The following GPBP1 variants were observed in gnomAD, a reference collection of about 807,000 sequenced individuals.
GPBP1 encodes the protein vasculin.
In GPBP1, 13 loss-of-function variants were observed where a neutral mutation model predicts 56.5. The observed-to-expected ratio is 0.23, with a 90% CI of 0.15 to 0.37. The LOEUF (loss-of-function observed/expected upper bound fraction) is 0.37. Ranked by LOEUF, GPBP1 falls within the 10% of genes least tolerant of loss-of-function variation. The pLI is 1.00. For missense variants in GPBP1, 477 were observed against 572.3 expected (o/e 0.83, Z 1.70); for synonymous variants, 204 against 188.9 (o/e 1.08, Z -0.66).
At position 57,221,071 on chromosome 5, in the gene GPBP1, G is replaced by GGT. The variant is rs1356230077; in HGVS notation, c.63+6879_63+6880dup. Among the ~76,000 whole-genome samples, 5 of 152,066 alleles carry GGT rather than the reference G, an allele frequency of 3.3e-5. No individual in the cohort carries two copies. In the East Asian group the frequency reaches 9.6e-4, roughly 29 times the overall value. On this transcript the variant is annotated intron_variant, in intron 3 of 11. Transcript: ENST00000506184. The stretch of plus-strand genomic sequence containing the variant: ...AGATGACATGAAGATTTGAATTAAG[G>GGT]GTAAAAATGTTTTCAGAACTGTATG...
chr5:57,199,965 C>T (rs186478734), intron 2 of GPBP1, among the ~76,000 whole-genome samples: 4 of 150,208 alleles, frequency 2.7e-5, no homozygotes, highest in African/African-American at 4.9e-5. Context: ...ATCTACCTGC[C>T]GCAAAGTGCT....
intron 3 of GPBP1, among the ~76,000 whole-genome samples, chr5:57,226,956 A>T (rs1045511007): frequency 1.3e-5 from 2 of 151,544 alleles, no homozygotes; most frequent in Non-Finnish European, 2.9e-5. Flanking sequence ...AGCCAGGATG[A>T]TCTCGATCTC....
intron 3 of GPBP1, among the ~76,000 whole-genome samples, chr5:57,227,334 TG>T (rs754668819): frequency 1.3e-5 from 2 of 152,116 alleles, no homozygotes; most frequent in African/African-American, 2.4e-5. Context: ...CCCAGAGTAC[TG>T]GGATTACAGG....
chr5:57,246,943 T>C (rs978786789), intron 7 of GPBP1, 132 bp from the exon 8 acceptor site: 7 of 635,964 alleles, frequency 1.1e-5, no homozygotes, highest in Admixed American at 3.3e-5. Flanking sequence ...GTAGGAATAA[T>C]GCAGTGTGAT....
intron 2 of GPBP1, among the ~76,000 whole-genome samples, chr5:57,204,064 C>G (rs143644922): frequency 7.2e-5 from 11 of 152,252 alleles, no homozygotes; most frequent in African/African-American, 2.6e-4. Context: ...ACCATTGAAT[C>G]AGAATCAACA....
chr5:57,181,428 CTG>C (rs1561319028), intron 2 of GPBP1, among the ~76,000 whole-genome samples: 10 of 130,754 alleles, frequency 7.6e-5, no homozygotes, highest in African/African-American at 5.5e-5. Flanking sequence ...GGTGACAAGA[CTG>C]TGTCAAAAAA....
At chr5:57,256,320 A>G (rs1014658831) in intron 10 of GPBP1, among the ~76,000 whole-genome samples, 25 of 152,190 alleles carry the variant, frequency 1.6e-4, no homozygotes, top group Admixed American at 1.4e-3. Context: ...GAGGGGGAAA[A>G]AAAAACACCC....
intron 2 of GPBP1, among the ~76,000 whole-genome samples, chr5:57,193,031 T>C (rs994066812): frequency 1.3e-5 from 2 of 151,534 alleles, no homozygotes; most frequent in Admixed American, 6.6e-5. Context: ...TTAAAGAAAC[T>C]GTTGGCCGGG....
At chr5:57,236,463 A>G (rs1253157253) in intron 6 of GPBP1, among the ~76,000 whole-genome samples, 1 of 152,306 alleles carries the variant, frequency 6.6e-6, no homozygotes, top group East Asian at 1.9e-4. Flanking sequence ...TTACGTATAT[A>G]TATATACACA....
chr5:57,189,562 T>TTC (rs67149626), intron 2 of GPBP1, among the ~76,000 whole-genome samples: 1 of 2,666 alleles, frequency 3.8e-4, no homozygotes, highest in Non-Finnish European at 1.2e-3. Context: ...TCAGCCCACT[T>TTC]TTTTTCACTT....
chr5:57,177,416 T>G lies in GPBP1; in HGVS notation c.-58+1016T>G, dbSNP rs377550158. On this transcript the variant is annotated intron_variant, in intron 2 of 11. Coordinates refer to ENST00000506184, the MANE Select transcript of GPBP1 (RefSeq NM_022913.4). ...TTAATTTTTAGGCAGTTAATATTAG[T>G]GAACACGAGTATAACTAAAATTAGA... Among the ~76,000 whole-genome samples the G allele has an allele frequency of 7.0e-4, 106 of 152,236 alleles. 1 individual carries two copies. The highest frequency in any genetic ancestry group is 2.6e-3 in the African/African-American group (106 of 41,568).
In GPBP1 at chr5:57,249,360, A is replaced by G. The variant is rs755110638; in HGVS notation, c.805-49A>G. 6 of 1,422,498 alleles carry G rather than the reference A, an allele frequency of 4.2e-6. No individual in the cohort carries two copies. In the Admixed American group the frequency reaches 9.1e-5, roughly 21 times the overall value. 88.1% of individuals were successfully genotyped at this position (1,422,498 alleles called of 1,614,324 possible). On this transcript the variant is annotated intron_variant, in intron 8 of 11. Transcript: ENST00000506184. ...TGGTAGTAGTGAATTTTATGTTGACATTGATTCCTTGGCTACATATTTATC... is the reference window on the plus strand; with the variant it reads ...TGGTAGTAGTGAATTTTATGTTGACGTTGATTCCTTGGCTACATATTTATC...
chr5:57,217,174 G>A (rs192747375), intron 3 of GPBP1, among the ~76,000 whole-genome samples: 7 of 151,940 alleles, frequency 4.6e-5, no homozygotes, highest in Admixed American at 1.3e-4. Context: ...GAAAATAGCG[G>A]CGTATTCTGA....
chr5:57,259,555 C>G (rs955661443), intron 10 of GPBP1, among the ~76,000 whole-genome samples: 2 of 152,160 alleles, frequency 1.3e-5, no homozygotes, highest in African/African-American at 4.8e-5. Flanking sequence ...ACTGAGGGCC[C>G]TGGCAGTTTA....
chr5:57,209,079 T>G (rs988787476), intron 2 of GPBP1, among the ~76,000 whole-genome samples: 1 of 152,228 alleles, frequency 6.6e-6, no homozygotes, highest in Non-Finnish European at 1.5e-5. Context: ...TGCTTTTGGA[T>G]TTTACTGCGA....
intron 2 of GPBP1, among the ~76,000 whole-genome samples, chr5:57,211,323 A>C (rs1296692188): frequency 6.6e-6 from 1 of 152,068 alleles, no homozygotes; most frequent in Non-Finnish European, 1.5e-5. Context: ...AGTAGCTGGG[A>C]CTACAGGCAT....
intron 2 of GPBP1, among the ~76,000 whole-genome samples, chr5:57,208,880 C>G (rs982061262): frequency 2.0e-5 from 3 of 151,846 alleles, no homozygotes; most frequent in African/African-American, 7.3e-5. Flanking sequence ...GTCTCAAACT[C>G]TTGACCTCAT....
At chr5:57,236,085 G>T (rs538460544) in intron 6 of GPBP1, 53 bp downstream of exon 6, 1 of 1,192,198 alleles carries the variant, frequency 8.4e-7, no homozygotes, top group African/African-American at 1.5e-5. Flanking sequence ...ATATTTATAG[G>T]TTTCACTTTT....
intron 2 of GPBP1, among the ~76,000 whole-genome samples, chr5:57,180,603 T>A (rs1039791877): frequency 6.6e-6 from 1 of 152,202 alleles, no homozygotes; most frequent in Admixed American, 6.5e-5. Context: ...TGGTTTAGGA[T>A]ATGGAATATC....
Sources: gnomAD v4.1 joint callset for allele counts (sites outside exome capture counted in the v4.1 genomes callset) on GRCh38, gnomAD v4.1.1 for gene constraint, MANE v1.5 for transcripts, NCBI Gene and HGNC (gene_info 2026-07-23, HGNC 2026-07-21) for gene names.